The following ACOXL variants were observed in gnomAD, a reference collection of about 807,000 sequenced individuals.
ACOXL encodes the protein acyl-coenzyme A oxidase-like protein.
ACOXL carries 70 observed loss-of-function variants against 71.9 expected under a neutral mutation model. The ratio of observed to expected loss-of-function variants is 0.97; its 90% CI spans 0.80 to 1.19. ACOXL has a LOEUF of 1.19. ACOXL is among the 50% of genes most tolerant of loss of function. The probability of loss-of-function intolerance (pLI) is 0.00; values close to 1 mark genes in which losing one functional copy is unlikely to be tolerated. For missense variants in ACOXL, 703 were observed against 736.3 expected, an observed-to-expected ratio of 0.95 and a Z score of 0.52; for synonymous variants, 253 against 281.6, an observed-to-expected ratio of 0.90 and a Z score of 1.02.
intron 5 of ACOXL, among the ~76,000 whole-genome samples, chr2:110,797,963 T>C (rs747626156): frequency 1.3e-5 from 2 of 152,158 alleles, no homozygotes; most frequent in Non-Finnish European, 2.9e-5. Flanking sequence ...ACAGCACACA[T>C]GTCAGCCTGG....
chr2:110,785,370 TTG>T (rs34917698), intron 3 of ACOXL, among the ~76,000 whole-genome samples: 202 of 145,374 alleles, frequency 1.4e-3, no homozygotes, highest in East Asian at 8.6e-3. Context: ...ATGCACTCAG[TTG>T]TGTGTGTGTG....
intron 1 of ACOXL, among the ~76,000 whole-genome samples, chr2:110,757,886 T>C (rs994917922): frequency 6.6e-6 from 1 of 152,200 alleles, no homozygotes; most frequent in Non-Finnish European, 1.5e-5. Flanking sequence ...CCAGGAGCTC[T>C]TTGGTCTAAT....
chr2:110,869,220 C>T (rs1694973795), intron 10 of ACOXL, among the ~76,000 whole-genome samples: 1 of 152,068 alleles, frequency 6.6e-6, no homozygotes, highest in Non-Finnish European at 1.5e-5. Context: ...AACCCTGGGG[C>T]CCACCGGCAT....
At chr2:111,002,266 T>A (rs2063671949) in intron 14 of ACOXL, among the ~76,000 whole-genome samples, 1 of 150,648 alleles carries the variant, frequency 6.6e-6, no homozygotes. Flanking sequence ...TAATTTTTTT[T>A]ATTTTAAGAT....
chr2:110,820,142 A>T (rs979239211), intron 9 of ACOXL, among the ~76,000 whole-genome samples: 6 of 152,184 alleles, frequency 3.9e-5, no homozygotes, highest in Non-Finnish European at 1.5e-5. Flanking sequence ...ACCCAGGTCC[A>T]TGTGGGACCA....
intron 9 of ACOXL, among the ~76,000 whole-genome samples, chr2:110,828,525 G>GT (rs1009606921): frequency 6.6e-6 from 1 of 152,200 alleles, no homozygotes; most frequent in African/African-American, 2.4e-5. Flanking sequence ...TCGCCAGGCT[G>GT]TTTTTTCTAG....
intron 10 of ACOXL, among the ~76,000 whole-genome samples, chr2:110,844,672 C>T (rs764799084): frequency 3.3e-5 from 5 of 152,024 alleles, no homozygotes; most frequent in African/African-American, 4.8e-5. Context: ...CTCAGCCTCC[C>T]GAATAGCTGG....
intron 15 of ACOXL, among the ~76,000 whole-genome samples, chr2:111,041,102 C>T (rs1441185408): frequency 6.6e-6 from 1 of 152,058 alleles, no homozygotes. Context: ...AAGCCAAGGG[C>T]TTCTTCTGGG....
intron 1 of ACOXL, among the ~76,000 whole-genome samples, chr2:110,743,657 G>A (rs1265456216): frequency 1.3e-5 from 2 of 152,146 alleles, no homozygotes; most frequent in Non-Finnish European, 2.9e-5. Flanking sequence ...AAGGACCAAT[G>A]CACCATTCAG....
chr2:110,905,417 C>T (rs765164945), intron 10 of ACOXL, among the ~76,000 whole-genome samples: 4 of 152,130 alleles, frequency 2.6e-5, no homozygotes, highest in Non-Finnish European at 2.9e-5. Flanking sequence ...CAAGCTATAG[C>T]GGACTCTTGA....
intron 10 of ACOXL, among the ~76,000 whole-genome samples, chr2:110,892,553 G>A (rs76096910): frequency 0.011 from 1,630 of 152,228 alleles, 36 homozygotes; most frequent in African/African-American, 0.038. Flanking sequence ...GTTTTTGCTC[G>A]GAGGGGTGGT....
intron 14 of ACOXL, among the ~76,000 whole-genome samples, chr2:111,015,909 T>TTG (rs1014868151): frequency 1.3e-5 from 2 of 151,972 alleles, no homozygotes; most frequent in African/African-American, 4.8e-5. Context: ...TGCCATTCAG[T>TTG]GAGGGGTGAA....
intron 10 of ACOXL, among the ~76,000 whole-genome samples, chr2:110,851,082 A>G (rs1692543247): frequency 6.6e-6 from 1 of 152,218 alleles, no homozygotes; most frequent in Non-Finnish European, 1.5e-5. Flanking sequence ...TATAGGGAAG[A>G]AAGCAGACCC....
At chr2:111,105,822 C>G (rs747334855) in intron 17 of ACOXL, among the ~76,000 whole-genome samples, 1 of 152,126 alleles carries the variant, frequency 6.6e-6, no homozygotes, top group South Asian at 2.1e-4. Flanking sequence ...TCTGTGTTGA[C>G]AATTCTTTTC....
chr2:110,819,196 A>G (rs575460922), intron 9 of ACOXL, among the ~76,000 whole-genome samples: 2 of 152,298 alleles, frequency 1.3e-5, no homozygotes, highest in African/African-American at 4.8e-5. Context: ...GGTGCAGTTG[A>G]AAGCAGCTGG....
chr2:110,818,012 C>T (rs1184854574), intron 9 of ACOXL, among the ~76,000 whole-genome samples: 6 of 150,140 alleles, frequency 4.0e-5, no homozygotes, highest in Non-Finnish European at 4.4e-5. Flanking sequence ...CTTTTACTGC[C>T]ATAAAATGCC....
intron 10 of ACOXL, among the ~76,000 whole-genome samples, chr2:110,862,062 CA>C (rs1422790820): frequency 6.6e-6 from 1 of 152,170 alleles, no homozygotes; most frequent in Non-Finnish European, 1.5e-5. Context: ...TGGTTGCTGA[CA>C]TAGCTGCAAT....
intron 12 of ACOXL, among the ~76,000 whole-genome samples, chr2:110,964,935 A>G (rs560787212): frequency 9.9e-5 from 15 of 152,248 alleles, no homozygotes; most frequent in African/African-American, 2.9e-4. Flanking sequence ...GCCTGACTGT[A>G]TATTTGTACG....
chr2:111,048,519 T>C (rs1036167000), intron 15 of ACOXL, among the ~76,000 whole-genome samples: 1 of 152,116 alleles, frequency 6.6e-6, no homozygotes, highest in African/African-American at 2.4e-5. Context: ...TACACCAAAA[T>C]AAAAATTGGT....
Sources: allele counts gnomAD v4.1 joint callset (sites outside exome capture counted in the v4.1 genomes callset), GRCh38; gene constraint gnomAD v4.1.1; transcripts MANE v1.5; gene names NCBI Gene and HGNC (gene_info 2026-07-23, HGNC 2026-07-21).